MAPKAP1: variants seen among roughly 807,000 people sequenced by gnomAD.
The protein encoded by MAPKAP1 is MAPK associated protein 1.
In MAPKAP1, 20 loss-of-function variants were observed where a neutral mutation model predicts 65.7. That is an observed-to-expected ratio of 0.30 (90% CI 0.21 to 0.44). MAPKAP1 has a LOEUF of 0.44. MAPKAP1 is among the 20% of genes least tolerant of loss of function. The pLI is 1.00. For synonymous variants in MAPKAP1, 222 were observed against 244.3 expected, an observed-to-expected ratio of 0.91 and a Z score of 0.85; for missense variants, 423 against 648.0, an observed-to-expected ratio of 0.65 and a Z score of 3.77.
At chr9:125,537,305 T>C (rs997676761) in intron 7 of MAPKAP1, among the ~76,000 whole-genome samples, 1 of 152,206 alleles carries the variant, frequency 6.6e-6, no homozygotes, top group Non-Finnish European at 1.5e-5. Context: ...TTAACATTTC[T>C]AAAGCCTCAT....
chr9:125,649,761 C>T (rs1833838121), intron 4 of MAPKAP1, among the ~76,000 whole-genome samples: 1 of 145,396 alleles, frequency 6.9e-6, no homozygotes, highest in African/African-American at 2.6e-5. Context: ...GTCAGCAGGT[C>T]CAAAACAGCT....
At chr9:125,560,374 C>T (rs1360981401) in intron 5 of MAPKAP1, among the ~76,000 whole-genome samples, 4 of 151,944 alleles carry the variant, frequency 2.6e-5, no homozygotes, top group African/African-American at 4.8e-5. Flanking sequence ...TCGCTTGATC[C>T]CAGGAGTTCA....
At chr9:125,460,346 C>T (rs1853438578) in intron 10 of MAPKAP1, among the ~76,000 whole-genome samples, 1 of 151,776 alleles carries the variant, frequency 6.6e-6, no homozygotes, top group Admixed American at 6.6e-5. Context: ...ATGTTTTCTA[C>T]TCTAACAAAT....
intron 1 of MAPKAP1, among the ~76,000 whole-genome samples, chr9:125,706,691 AG>A (rs1835771605): frequency 6.6e-6 from 1 of 151,916 alleles, no homozygotes; most frequent in South Asian, 2.1e-4. Context: ...GATATTGCCA[AG>A]TGCAGGCCCA....
chr9:125,585,644 G>A lies in MAPKAP1; in HGVS notation c.582C>T (p.Thr194=), dbSNP rs766213534. Residue 194 remains threonine (T), a synonymous_variant, in exon 5 of 12, where the codon ACC becomes ACT. Coordinates refer to ENST00000265960, the MANE Select transcript of MAPKAP1 (RefSeq NM_001006617.3). The part of the protein sequence containing the change: ...HSSQDRLLPM[T]VVTMASARVQ... The stretch of plus-strand genomic sequence containing the variant: ...CCCTGGCGCTGGCCATTGTCACCAC[G>A]GTCATTGGCAGCAGTCTGTCCTGGC... 68 of 1,614,096 alleles carry A rather than the reference G, an allele frequency of 4.2e-5. 1 individual carries two copies. The Middle Eastern group carries it at 9.9e-4, about 23-fold the overall frequency.
chr9:125,687,727 G>A (rs1835027811), intron 1 of MAPKAP1, among the ~76,000 whole-genome samples: 1 of 152,048 alleles, frequency 6.6e-6, no homozygotes, highest in African/African-American at 2.4e-5. Context: ...CAAGGTTACA[G>A]TGAGCATGAT....
At chr9:125,524,265 T>C (rs1829701849) in intron 7 of MAPKAP1, among the ~76,000 whole-genome samples, 1 of 152,252 alleles carries the variant, frequency 6.6e-6, no homozygotes, top group African/African-American at 2.4e-5. Flanking sequence ...ATAAGACCTT[T>C]GGAAATTACT....
Position 125,591,492 on chromosome 9 carries a change from T to TACCCTCTGTTTCATAGTAAA in MAPKAP1, c.499-5766_499-5765insTTTACTATGAAACAGAGGGT, listed in dbSNP as rs369917976. On this transcript the variant is annotated intron_variant, in intron 4 of 11. Coordinates refer to ENST00000265960, the MANE Select transcript of MAPKAP1 (RefSeq NM_001006617.3). Reference sequence around the variant, plus strand: ...CTATTTACTCTAAAGAGTACAGTACTCTTTACTACCCTCTATTTCATAGTA... The same window carrying TACCCTCTGTTTCATAGTAAA: ...CTATTTACTCTAAAGAGTACAGTACTACCCTCTGTTTCATAGTAAACTTTACTACCCTCTATTTCATAGTA... Among the ~76,000 whole-genome samples the TACCCTCTGTTTCATAGTAAA allele has an allele frequency of 6.9e-3, 1,044 of 152,344 alleles. 19 individuals carry two copies. Among genetic ancestry groups the TACCCTCTGTTTCATAGTAAA allele is most frequent in the African/African-American group, 0.024 (982 of 41,572 alleles).
intron 4 of MAPKAP1, among the ~76,000 whole-genome samples, chr9:125,602,263 G>C (rs1379458917): frequency 1.3e-5 from 2 of 151,070 alleles, no homozygotes; most frequent in South Asian, 4.2e-4. Context: ...AAAAAGAAAA[G>C]AAAGAAATAT....
chr9:125,621,154 C>G (rs1248839057), intron 4 of MAPKAP1, among the ~76,000 whole-genome samples: 1 of 151,890 alleles, frequency 6.6e-6, no homozygotes. Flanking sequence ...TGCCTGTAGT[C>G]CCAGCTACTC....
intron 7 of MAPKAP1, among the ~76,000 whole-genome samples, chr9:125,516,670 G>A (rs1272577626): frequency 6.6e-6 from 1 of 152,214 alleles, no homozygotes; most frequent in Non-Finnish European, 1.5e-5. Flanking sequence ...GAAGGCAGAT[G>A]TGTGGCAGTT....
intron 4 of MAPKAP1, among the ~76,000 whole-genome samples, chr9:125,590,007 T>C (rs1831905918): frequency 6.6e-6 from 1 of 152,216 alleles, no homozygotes; most frequent in Non-Finnish European, 1.5e-5. Flanking sequence ...ACAGTGGGAA[T>C]CTTTCTGGAG....
At chr9:125,666,768 T>C (rs554501137) in intron 3 of MAPKAP1, among the ~76,000 whole-genome samples, 3 of 152,342 alleles carry the variant, frequency 2.0e-5, no homozygotes, top group Non-Finnish European at 2.9e-5. Flanking sequence ...GTTTGCCAGG[T>C]AGATGTTTAG....
intron 7 of MAPKAP1, among the ~76,000 whole-genome samples, chr9:125,514,580 C>T (rs1290441358): frequency 6.6e-6 from 1 of 152,178 alleles, no homozygotes; most frequent in Non-Finnish European, 1.5e-5. Flanking sequence ...GAGCAAGTCT[C>T]TAATCTTAAA....
chr9:125,695,086 C>T (rs1329580716), intron 1 of MAPKAP1, among the ~76,000 whole-genome samples: 1 of 151,892 alleles, frequency 6.6e-6, no homozygotes, highest in Non-Finnish European at 1.5e-5. Flanking sequence ...CAAGTTATAC[C>T]AACTTGGAAT....
At chr9:125,615,915 G>GAAAAAAAAAA (rs763540546) in intron 4 of MAPKAP1, among the ~76,000 whole-genome samples, 1 of 105,220 alleles carries the variant, frequency 9.5e-6, no homozygotes. Flanking sequence ...CTCCGTCTCA[G>GAAAAAAAAAA]AAAAAAAAAA....
At chr9:125,594,138 T>C (rs1832055119) in intron 4 of MAPKAP1, among the ~76,000 whole-genome samples, 1 of 152,236 alleles carries the variant, frequency 6.6e-6, no homozygotes, top group Non-Finnish European at 1.5e-5. Context: ...CTTTGTCATC[T>C]GTCAGCGAGA....
intron 3 of MAPKAP1, among the ~76,000 whole-genome samples, chr9:125,661,467 T>C (rs1375897535): frequency 1.3e-5 from 2 of 152,052 alleles, no homozygotes; most frequent in Non-Finnish European, 2.9e-5. Context: ...TATCACAGAG[T>C]ATTATGCAGC....
At chr9:125,667,461 A>G (rs1425101434) in intron 3 of MAPKAP1, among the ~76,000 whole-genome samples, 2 of 144,208 alleles carry the variant, frequency 1.4e-5, no homozygotes, top group Non-Finnish European at 3.0e-5. Context: ...CTAGAATTAC[A>G]GGCGCACACC....
Sources: allele counts gnomAD v4.1 joint callset (sites outside exome capture counted in the v4.1 genomes callset), GRCh38; gene constraint gnomAD v4.1.1; transcripts MANE v1.5; gene names NCBI Gene and HGNC (gene_info 2026-07-23, HGNC 2026-07-21).